INTS1: variants seen among roughly 807,000 people sequenced by gnomAD.
INTS1 encodes the protein integrator complex subunit 1.
Under a neutral mutation model 241.6 loss-of-function variants are expected in INTS1, and 137 were observed. The observed-to-expected ratio is 0.57, with a 90% CI of 0.49 to 0.65. The LOEUF is 0.65. INTS1 is among the 30% of genes least tolerant of loss of function. The pLI, the probability that INTS1 is intolerant of heterozygous loss-of-function variation, is 0.00. For synonymous variants in INTS1, 1,692 were observed against 1,337.8 expected (o/e 1.26, Z -5.78); for missense variants, 3,073 against 3,032.2 (o/e 1.01, Z -0.32).
Position 1,497,101 on chromosome 7 carries a change from A to C in INTS1, c.1602+37T>G. On this transcript the variant is annotated intron_variant, in intron 11 of 47. Transcript: ENST00000404767. The surrounding 1 kb of genome is among the most constrained non-coding windows in gnomAD (Gnocchi z 5.3). The stretch of plus-strand genomic sequence containing the variant: ...GGGGATGGCGGCGCGTGGAACCCGC[A>C]GTGAGGGAAAGGCGCCCCAGCGGCG... 1 of 1,564,324 alleles carries C rather than the reference A, an allele frequency of 6.4e-7. No individual in the cohort carries two copies. The highest frequency in any genetic ancestry group is 8.6e-7 in the Non-Finnish European group (1 of 1,158,568).
intron 16 of INTS1, among the ~76,000 whole-genome samples, chr7:1,489,924 C>T (rs1012178092): frequency 1.1e-4 from 17 of 152,232 alleles, no homozygotes; most frequent in Admixed American, 8.5e-4. Flanking sequence ...AAAACGGGAG[C>T]GGTGGTGGAT....
chr7:1,486,718 C>T lies in INTS1; in HGVS notation c.2883G>A (p.Pro961=), dbSNP rs1013975085. The T allele has an allele frequency of 4.3e-6, 7 of 1,612,560 alleles. No homozygotes were observed. Among genetic ancestry groups the T allele is most frequent in the Middle Eastern group, 1.6e-4 (1 of 6,078 alleles). ...LGRLQDLLLG[P]KADEQTTCEV... ...CACACGTGGTCTGCTCATCAGCCTT[C>T]GGGCCCAGTAGCAGGTCCTGCAGGC... Residue 961 remains proline, a synonymous_variant, in exon 22 of 48, where the codon CCG becomes CCA. Coordinates refer to ENST00000404767, the MANE Select transcript of INTS1 (RefSeq NM_001080453.3).
chr7:1,470,403 G>A lies in INTS1; in HGVS notation c.*174C>T, dbSNP rs950271138. The A allele has an allele frequency of 3.0e-5, 16 of 527,922 alleles. No homozygotes were observed. Among genetic ancestry groups the A allele is most frequent in the East Asian group, 2.0e-4 (6 of 30,224 alleles). The allele number at this position is 527,922 out of a possible 1,614,324, so 32.7% of individuals were successfully genotyped here. Reference sequence around the variant, plus strand: ...TGGACGGCCCCTGATGCCAGCGGCCGGCCCGGAGCCACCCCAGGGCTCGGA... The same window carrying A: ...TGGACGGCCCCTGATGCCAGCGGCCAGCCCGGAGCCACCCCAGGGCTCGGA... On this transcript the variant is annotated 3_prime_UTR_variant, in exon 48 of 48. Coordinates refer to ENST00000404767, the MANE Select transcript of INTS1 (RefSeq NM_001080453.3).
intron 33 of INTS1, 53 bp from the exon 34 acceptor site, chr7:1,477,989 G>A (rs1018512120): frequency 2.2e-5 from 33 of 1,498,250 alleles, no homozygotes; most frequent in Non-Finnish European, 3.0e-5. Flanking sequence ...GGTGGGGGCC[G>A]CTGAGTGGGT....
intron 22 of INTS1, among the ~76,000 whole-genome samples, chr7:1,486,366 C>A (rs970528264): frequency 6.6e-6 from 1 of 151,728 alleles, no homozygotes; most frequent in Middle Eastern, 3.2e-3. Context: ...TAGGTACAAG[C>A]GAGTCTCCTG....
At chr7:1,499,194 G>A (rs774666760) in intron 7 of INTS1, 33 bp from the exon 8 acceptor site, 1 of 1,604,906 alleles carries the variant, frequency 6.2e-7, no homozygotes, top group Admixed American at 1.7e-5. Context: ...GAGGGAGGAA[G>A]GTGGCCCCGA....
At position 1,485,320 on chromosome 7, in the gene INTS1, G is replaced by A. The variant is rs564809405; in HGVS notation, c.3126C>T (p.Val1042=). ...GCAGGGCCAGGGCTGTGGTGCTCCT[G>A]ACGCTGTCGAACAGAGGCAGGCGAG... ...DLPRLPLFDS[V]RSTTALALQQ... Residue 1042 remains valine, a synonymous_variant, in exon 23 of 48, where the codon GTC becomes GTT. Transcript: ENST00000404767. 1.3e-5 allele frequency: 21 copies of A among 1,611,694 alleles called. No homozygotes were observed. The East Asian group carries it at 4.5e-4, about 34-fold the overall frequency.
chr7:1,472,950 A>C, intron 43 of INTS1, 122 bp downstream of exon 43: 1 of 609,102 alleles, frequency 1.6e-6, no homozygotes, highest in South Asian at 2.2e-5. Context: ...GCAAGGTCCC[A>C]GGCTCACACA....
intron 14 of INTS1, 102 bp downstream of exon 14, chr7:1,494,714 C>T (rs1782759536): frequency 1.7e-6 from 2 of 1,157,654 alleles, no homozygotes; most frequent in Non-Finnish European, 2.5e-6. Context: ...ACCATGGGAA[C>T]AGCCGCCCAA....
At chr7:1,476,501 C>T (rs763672603) in intron 37 of INTS1, 46 bp from the exon 38 acceptor site, 2 of 1,599,882 alleles carry the variant, frequency 1.3e-6, no homozygotes, top group Admixed American at 1.7e-5. Flanking sequence ...CCGCCTCTCC[C>T]GGATGGGCCA....
Position 1,478,609 on chromosome 7 carries a change from C to T in INTS1, c.4490-103G>A, listed in dbSNP as rs566012931. ...GTAGAAGGGCTCCCCTGGGCCCACGCGGGTACCCACCCCCCAAGCCACTGC... is the reference window on the plus strand; with the variant it reads ...GTAGAAGGGCTCCCCTGGGCCCACGTGGGTACCCACCCCCCAAGCCACTGC... On this transcript the variant is annotated intron_variant, in intron 32 of 47. Coordinates refer to ENST00000404767, the MANE Select transcript of INTS1 (RefSeq NM_001080453.3). The T allele has an allele frequency of 1.7e-4, 254 of 1,497,540 alleles. 3 individuals are homozygous for T. The highest frequency in any genetic ancestry group is 1.6e-3 in the South Asian group (125 of 78,476). 92.8% of individuals were successfully genotyped at this position (1,497,540 alleles called of 1,614,324 possible).
In INTS1 at chr7:1,473,200, G is replaced by A. The variant is rs1239371517; in HGVS notation, c.5958-16C>T. The A allele has an allele frequency of 1.3e-6, 2 of 1,569,636 alleles. No individual in the cohort carries two copies. The highest frequency in any genetic ancestry group is 1.1e-5 in the South Asian group (1 of 89,374). On this transcript the variant is annotated splice_polypyrimidine_tract_variant and intron_variant, in intron 42 of 47. Transcript: ENST00000404767. ...GGACAGGTCGCTGGGGAGAGAAGAT[G>A]CTTTCACCTGGGAGGAAGACGCTGG...
Position 1,471,061 on chromosome 7 carries a change from G to A in INTS1, c.6347+72C>T, listed in dbSNP as rs530027193. 98 of 1,519,766 alleles carry A rather than the reference G, an allele frequency of 6.4e-5. 1 individual carries two copies. The South Asian group carries it at 1.1e-3, about 17-fold the overall frequency. 94.1% of individuals were successfully genotyped at this position (1,519,766 alleles called of 1,614,324 possible). ...CCTGGAAGCCTGGTCTGGCCACCAG[G>A]CGGGTCAAGCGGTGACCTGGGTTAG... On this transcript the variant is annotated intron_variant, in intron 46 of 47. Transcript: ENST00000404767.
Position 1,493,128 on chromosome 7 carries a change from G to A in INTS1, c.2069-22C>T, listed in dbSNP as rs1782663725. ...ACATCTAAGACCAAGAGCCACACAT[G>A]GGTTCTGGGGCTGCTCACAGACCAT... On this transcript the variant is annotated intron_variant, in intron 15 of 47. Transcript: ENST00000404767. This position sits in a 1 kb window ranked among gnomAD's most constrained non-coding sequence, Gnocchi z 5.3. 2 of 1,594,688 alleles carry A rather than the reference G, an allele frequency of 1.3e-6. No individual in the cohort carries two copies. The highest frequency in any genetic ancestry group is 1.7e-6 in the Non-Finnish European group (2 of 1,162,652).
In INTS1 at chr7:1,500,066, G is replaced by C. The variant is rs753905296; in HGVS notation, c.547-45C>G. Reference sequence around the variant, plus strand: ...TCACGTGGGAGCTTCGCTGGCCCCAGAGGCAAAGCTGGGGTGGGCCGGGAG... The same window carrying C: ...TCACGTGGGAGCTTCGCTGGCCCCACAGGCAAAGCTGGGGTGGGCCGGGAG... On this transcript the variant is annotated intron_variant, in intron 4 of 47. Transcript: ENST00000404767. 2.5e-6 allele frequency: 4 copies of C among 1,604,580 alleles called. No individual in the cohort carries two copies. The African/African-American group carries it at 4.0e-5, about 16-fold the overall frequency.
intron 19 of INTS1, 26 bp from the exon 20 acceptor site, chr7:1,487,475 G>A (rs771949243): frequency 1.7e-5 from 28 of 1,605,360 alleles, no homozygotes; most frequent in Middle Eastern, 2.1e-4. Flanking sequence ...GACACGGTGC[G>A]TCAGCACGCC....
chr7:1,495,281 C>T (rs1339346599), intron 13 of INTS1, among the ~76,000 whole-genome samples, 152 bp downstream of exon 13: 1 of 151,778 alleles, frequency 6.6e-6, no homozygotes. Context: ...GGGGGCCTGG[C>T]TTGTCCCGGC....
rs767953409 is a variant in INTS1, at chr7:1,483,993, T to G, written c.3429+10A>C. The G allele has an allele frequency of 1.0e-5, 16 of 1,603,872 alleles. No individual in the cohort carries two copies. Among genetic ancestry groups the G allele is most frequent in the Non-Finnish European group, 1.3e-5 (15 of 1,174,618 alleles). On this transcript the variant is annotated intron_variant, in intron 25 of 47. Coordinates refer to ENST00000404767, the MANE Select transcript of INTS1 (RefSeq NM_001080453.3). The stretch of plus-strand genomic sequence containing the variant: ...CGCCCTCACCCGGCCGTAGACCTCC[T>G]CGCCCTCACCCAGCTGTAGACCTCC...
At chr7:1,499,853 C>T (rs1783070345) in intron 5 of INTS1, 31 bp downstream of exon 5, 1 of 1,601,370 alleles carries the variant, frequency 6.2e-7, no homozygotes, top group Non-Finnish European at 8.5e-7. Flanking sequence ...GGCGCTCTGC[C>T]ATCTTCACCG....
Sources: gnomAD v4.1 joint callset for allele counts (sites outside exome capture counted in the v4.1 genomes callset) on GRCh38, gnomAD v4.1.1 for gene constraint, Gnocchi (gnomAD v3.1) non-coding constraint, MANE v1.5 for transcripts, NCBI Gene and HGNC (gene_info 2026-07-23, HGNC 2026-07-21) for gene names.